Variants in PTPRD observed in about 807,000 individuals in gnomAD.
PTPRD encodes the protein receptor-type tyrosine-protein phosphatase delta.
Under a neutral mutation model 214.5 loss-of-function variants are expected in PTPRD, and 34 were observed. The ratio of observed to expected loss-of-function variants is 0.16; its 90% CI spans 0.12 to 0.21. PTPRD has a LOEUF of 0.21. PTPRD is among the 10% of genes least tolerant of loss of function. The probability of loss-of-function intolerance (pLI) is 1.00; values close to 1 mark genes in which losing one functional copy is unlikely to be tolerated. For missense variants in PTPRD, 2,545 were observed against 2,398.7 expected (o/e 1.06, Z -1.27); for synonymous variants, 1,128 against 845.7 (o/e 1.33, Z -5.79).
At chr9:10,124,807 C>T (rs1382770972) in intron 3 of PTPRD, among the ~76,000 whole-genome samples, 2 of 152,062 alleles carry the variant, frequency 1.3e-5, no homozygotes, top group African/African-American at 2.4e-5. Context: ...ATCATCATTT[C>T]GCAGAATACA....
At chr9:8,360,634 A>C (rs1185539225) in intron 39 of PTPRD, among the ~76,000 whole-genome samples, 1 of 152,200 alleles carries the variant, frequency 6.6e-6, no homozygotes, top group African/African-American at 2.4e-5. Flanking sequence ...AGTTGTAATA[A>C]ATATTTACTG....
intron 3 of PTPRD, among the ~76,000 whole-genome samples, chr9:10,301,609 A>T (rs1414554827): frequency 6.6e-6 from 1 of 152,188 alleles, no homozygotes; most frequent in Non-Finnish European, 1.5e-5. Flanking sequence ...CAGCACAAGA[A>T]CTTTGTGAAG....
chr9:8,976,094 T>C (rs2099266604), intron 11 of PTPRD, among the ~76,000 whole-genome samples: 1 of 152,072 alleles, frequency 6.6e-6, no homozygotes, highest in Admixed American at 6.6e-5. Flanking sequence ...TGGGGAGTCC[T>C]AATAAATGCA....
intron 5 of PTPRD, among the ~76,000 whole-genome samples, chr9:9,883,800 G>A (rs2069713065): frequency 6.6e-6 from 1 of 151,924 alleles, no homozygotes; most frequent in Non-Finnish European, 1.5e-5. Flanking sequence ...CATTTTCCAG[G>A]GCAAACTTTT....
chr9:8,335,214 A>C (rs1302873899), intron 43 of PTPRD, among the ~76,000 whole-genome samples: 1 of 150,874 alleles, frequency 6.6e-6, no homozygotes, highest in Non-Finnish European at 1.5e-5. Flanking sequence ...TTCCAGGCCA[A>C]TATCCCTGAT....
chr9:9,106,281 A>G (rs2099798440), intron 10 of PTPRD, among the ~76,000 whole-genome samples: 1 of 152,078 alleles, frequency 6.6e-6, no homozygotes. Context: ...GGATTTGGAA[A>G]TGAAGGTTAT....
At chr9:9,878,972 G>T (rs979665058) in intron 5 of PTPRD, among the ~76,000 whole-genome samples, 1 of 152,150 alleles carries the variant, frequency 6.6e-6, no homozygotes, top group Admixed American at 6.5e-5. Context: ...ATGGATGAAT[G>T]AATAAATGGG....
intron 11 of PTPRD, among the ~76,000 whole-genome samples, chr9:8,776,040 T>C (rs2095458866): frequency 6.6e-6 from 1 of 152,154 alleles, no homozygotes; most frequent in Non-Finnish European, 1.5e-5. Context: ...AAGATTTGGT[T>C]TGGTAGTGCT....
At chr9:10,149,610 C>T (rs1182790912) in intron 3 of PTPRD, among the ~76,000 whole-genome samples, 2 of 152,156 alleles carry the variant, frequency 1.3e-5, no homozygotes, top group Non-Finnish European at 2.9e-5. Context: ...TTGGTATATT[C>T]ATTATAGACC....
chr9:8,372,612 A>C (rs1182233402), intron 39 of PTPRD, among the ~76,000 whole-genome samples: 2 of 152,000 alleles, frequency 1.3e-5, no homozygotes, highest in Non-Finnish European at 1.5e-5. Flanking sequence ...CTGATAGATA[A>C]CTAGAGTTGG....
In PTPRD at chr9:10,327,692, T is replaced by C. The variant is rs751005318; in HGVS notation, c.-545+13271A>G. On this transcript the variant is annotated intron_variant, in intron 3 of 45. Coordinates refer to ENST00000381196, the MANE Select transcript of PTPRD (RefSeq NM_002839.4). ...AACCTCAGATTTACAAGAAGTGCTATTTGAAACTATTTTTTTTCCACTTTC... is the reference window on the plus strand; with the variant it reads ...AACCTCAGATTTACAAGAAGTGCTACTTGAAACTATTTTTTTTCCACTTTC... Among the ~76,000 whole-genome samples, 4 of 151,716 alleles carry C rather than the reference T, an allele frequency of 2.6e-5. 1 individual carries two copies. The highest frequency in any genetic ancestry group is 6.6e-5 in the Admixed American group (1 of 15,164).
chr9:10,381,580 T>C (rs1391340303), intron 2 of PTPRD, among the ~76,000 whole-genome samples: 2 of 152,004 alleles, frequency 1.3e-5, no homozygotes, highest in African/African-American at 4.8e-5. Context: ...TCTATTTTGT[T>C]TCTGTTAGTC....
chr9:9,004,988 A>G (rs1036540324), intron 11 of PTPRD, among the ~76,000 whole-genome samples: 1 of 152,106 alleles, frequency 6.6e-6, no homozygotes, highest in African/African-American at 2.4e-5. Flanking sequence ...TGTTAAACTC[A>G]TTATAGGCCA....
intron 11 of PTPRD, chr9:8,858,093 C>CCCTCCTCCTCCTCCT (rs773178175): frequency 2.5e-5 from 4 of 162,346 alleles, no homozygotes; most frequent in Non-Finnish European, 5.3e-5. Context: ...TGTCTCCTCC[C>CCCTCCTCCTCCTCCT]CCTCCTCCTC....
intron 4 of PTPRD, among the ~76,000 whole-genome samples, chr9:9,972,386 G>A (rs1197537727): frequency 1.3e-5 from 2 of 152,060 alleles, no homozygotes; most frequent in African/African-American, 4.8e-5. Context: ...TTCTGTTTCG[G>A]TAACTGTCAT....
At position 9,321,322 on chromosome 9, in the gene PTPRD, G is replaced by A. The variant is rs552848508; in HGVS notation, c.-203+76127C>T. Among the ~76,000 whole-genome samples the A allele has an allele frequency of 6.6e-5, 10 of 152,248 alleles. No individual in the cohort carries two copies. The East Asian group carries it at 7.7e-4, about 12-fold the overall frequency. On this transcript the variant is annotated intron_variant, in intron 9 of 45. Coordinates refer to ENST00000381196, the MANE Select transcript of PTPRD (RefSeq NM_002839.4). ...TGTAATCCCAACACTTTGGGAGGCCGAGGCGGGTGGATCACCTGAGGTCGG... is the reference window on the plus strand; with the variant it reads ...TGTAATCCCAACACTTTGGGAGGCCAAGGCGGGTGGATCACCTGAGGTCGG...
chr9:9,770,361 C>G (rs548919513), intron 5 of PTPRD, among the ~76,000 whole-genome samples: 3 of 152,232 alleles, frequency 2.0e-5, no homozygotes, highest in African/African-American at 7.2e-5. Flanking sequence ...ACCAAAGTCA[C>G]TTTTAAGAAA....
chr9:9,244,501 A>T (rs1028122778), intron 9 of PTPRD, among the ~76,000 whole-genome samples: 6 of 152,200 alleles, frequency 3.9e-5, no homozygotes, highest in African/African-American at 1.4e-4. Flanking sequence ...CAACTATCTG[A>T]TCTTTGACAA....
At chr9:10,047,312 C>CTGTGTGTGTGTGTGTGTG (rs56257525) in intron 3 of PTPRD, among the ~76,000 whole-genome samples, 7 of 138,716 alleles carry the variant, frequency 5.0e-5, no homozygotes, top group South Asian at 2.4e-4. Flanking sequence ...AATCAACTAA[C>CTGTGTGTGTGTGTGTGTG]TGTGTGTGTG....
Sources: allele counts gnomAD v4.1 joint callset (sites outside exome capture counted in the v4.1 genomes callset), GRCh38; gene constraint gnomAD v4.1.1; transcripts MANE v1.5; gene names NCBI Gene and HGNC (gene_info 2026-07-23, HGNC 2026-07-21).